Variants in PLCXD2 observed in about 807,000 individuals in gnomAD.
PLCXD2 encodes the protein PI-PLC X domain-containing protein 2.
In PLCXD2, 21 loss-of-function variants were observed where a neutral mutation model predicts 28.6. That is an observed-to-expected ratio of 0.73 (90% confidence interval 0.52 to 1.06). PLCXD2 has a LOEUF of 1.06. Ranked by LOEUF, PLCXD2 falls within the 50% of genes least tolerant of loss-of-function variation. The pLI is 0.00. For missense variants in PLCXD2, 369 were observed against 376.7 expected, an observed-to-expected ratio of 0.98 and a Z score of 0.17; for synonymous variants, 140 against 150.1, an observed-to-expected ratio of 0.93 and a Z score of 0.49.
intron 1 of PLCXD2, among the ~76,000 whole-genome samples, chr3:111,689,335 A>C (rs957837379): frequency 3.3e-5 from 5 of 152,208 alleles, no homozygotes; most frequent in African/African-American, 9.7e-5. Context: ...GGAAATGGGA[A>C]AGTTACGGAA....
chr3:111,713,467 T>A (rs34307743), intron 2 of PLCXD2, among the ~76,000 whole-genome samples: 7,920 of 152,290 alleles, frequency 0.052, 270 homozygotes, highest in Middle Eastern at 0.075. Flanking sequence ...TTATGGGACT[T>A]ATTAGACTTA....
intron 1 of PLCXD2, among the ~76,000 whole-genome samples, chr3:111,702,724 G>A (rs1177701278): frequency 6.6e-6 from 1 of 152,192 alleles, no homozygotes; most frequent in Non-Finnish European, 1.5e-5. Flanking sequence ...GCAAGGATCA[G>A]TGGTGCAGGG....
In PLCXD2 at chr3:111,675,366, C is replaced by A. The variant is rs61756476; in HGVS notation, c.121C>A (p.Pro41Thr). The change falls in exon 1 of 5, where the codon CCT (proline) becomes ACT (threonine). Residue 41 changes from proline to threonine, a missense_variant. Physicochemically the swap from Pro to Thr is conservative, Grantham distance 38. Coordinates refer to ENST00000477665, the MANE Select transcript of PLCXD2 (RefSeq NM_001185106.1). ...TGCCGACTGGATGGCCTCGCTCCCC[C>A]CTCACCTCCACAACCTCCCCCTTTC... is the stretch of plus-strand genomic sequence containing the variant. The A allele has an allele frequency of 6.2e-6, 10 of 1,614,060 alleles. No individual in the cohort carries two copies. The South Asian group carries it at 7.7e-5, about 12-fold the overall frequency.
At chr3:111,702,915 T>G (rs1008758623) in intron 1 of PLCXD2, among the ~76,000 whole-genome samples, 3 of 152,248 alleles carry the variant, frequency 2.0e-5, no homozygotes, top group Non-Finnish European at 4.4e-5. Context: ...TTGTAAGTAC[T>G]ATTTGCAGAT....
At chr3:111,714,419 C>T (rs1433143281) in intron 3 of PLCXD2, among the ~76,000 whole-genome samples, 1 of 152,180 alleles carries the variant, frequency 6.6e-6, no homozygotes, top group African/African-American at 2.4e-5. Flanking sequence ...ACTCCTGGTA[C>T]CTGGCCACAT....
intron 2 of PLCXD2, among the ~76,000 whole-genome samples, chr3:111,713,446 C>CTAACT (rs1207306922): frequency 6.6e-6 from 1 of 152,216 alleles, no homozygotes; most frequent in Non-Finnish European, 1.5e-5. Flanking sequence ...ATGCTTATCC[C>CTAACT]TAACTCACAG....
chr3:111,689,549 A>G (rs542420067), intron 1 of PLCXD2, among the ~76,000 whole-genome samples: 9 of 152,288 alleles, frequency 5.9e-5, no homozygotes, highest in Non-Finnish European at 1.2e-4. Flanking sequence ...ATTACAGTTC[A>G]GTTCAGGTAT....
At chr3:111,707,156 A>C (rs1250661612) in intron 1 of PLCXD2, among the ~76,000 whole-genome samples, 1 of 152,214 alleles carries the variant, frequency 6.6e-6, no homozygotes, top group Non-Finnish European at 1.5e-5. Flanking sequence ...TGGACCATTT[A>C]ATAGCAGTTT....
chr3:111,693,691 C>A (rs77782893), intron 1 of PLCXD2, among the ~76,000 whole-genome samples: 1 of 152,174 alleles, frequency 6.6e-6, no homozygotes, highest in Admixed American at 6.5e-5. Context: ...ATGTTGCTAG[C>A]GCTTTGGGTA....
At chr3:111,704,188 T>C (rs1319698823) in intron 1 of PLCXD2, among the ~76,000 whole-genome samples, 2 of 151,712 alleles carry the variant, frequency 1.3e-5, no homozygotes, top group Non-Finnish European at 2.9e-5. Flanking sequence ...GGAATTCTGA[T>C]GGTAATATTG....
intron 1 of PLCXD2, among the ~76,000 whole-genome samples, chr3:111,692,693 A>G (rs1295160992): frequency 6.6e-6 from 1 of 152,228 alleles, no homozygotes; most frequent in Non-Finnish European, 1.5e-5. Flanking sequence ...GAGGTGAAAA[A>G]CAATAGCTGG....
intron 1 of PLCXD2, among the ~76,000 whole-genome samples, chr3:111,700,840 C>T (rs910899461): frequency 3.3e-5 from 5 of 150,302 alleles, no homozygotes; most frequent in Non-Finnish European, 5.9e-5. Context: ...CTGTGTAGGG[C>T]GGGGCGGGGG....
At chr3:111,690,739 G>A (rs1940865395) in intron 1 of PLCXD2, among the ~76,000 whole-genome samples, 1 of 152,038 alleles carries the variant, frequency 6.6e-6, no homozygotes, top group Non-Finnish European at 1.5e-5. Context: ...TTATTTACAG[G>A]AAAGAGAAAA....
In PLCXD2 at chr3:111,715,999, G is replaced by T. The variant is rs142399141; in HGVS notation, c.866+1871G>T. Among the ~76,000 whole-genome samples, 172 of 152,328 alleles carry T rather than the reference G, an allele frequency of 1.1e-3. 2 individuals are homozygous for T. The highest frequency in any genetic ancestry group is 3.7e-3 in the African/African-American group (153 of 41,572). On this transcript the variant is annotated intron_variant, in intron 3 of 4. Transcript: ENST00000477665. ...AAACATTGGCTCTTTCCTTTATGAT[G>T]AGAGATAATGATGTTGGCATGCGCC...
intron 1 of PLCXD2, among the ~76,000 whole-genome samples, chr3:111,692,217 T>C (rs923082711): frequency 6.6e-6 from 1 of 152,176 alleles, no homozygotes; most frequent in Non-Finnish European, 1.5e-5. Flanking sequence ...AATTTCTTTT[T>C]GTATTTTTGT....
intron 3 of PLCXD2, chr3:111,726,796 G>A (rs1444051169): frequency 2.6e-5 from 4 of 151,896 alleles, no homozygotes; most frequent in Non-Finnish European, 5.9e-5. Flanking sequence ...CATTTTAACA[G>A]TGAAAAAAAA....
intron 1 of PLCXD2, among the ~76,000 whole-genome samples, chr3:111,706,364 G>A (rs927994877): frequency 3.3e-5 from 5 of 152,096 alleles, no homozygotes; most frequent in African/African-American, 7.2e-5. Context: ...GGGTGGAGAC[G>A]TCAGTTTAAT....
At chr3:111,720,746 G>C (rs544952645) in intron 3 of PLCXD2, 1 of 416,850 alleles carries the variant, frequency 2.4e-6, no homozygotes, top group South Asian at 1.3e-4. Flanking sequence ...ATCCTGGACT[G>C]GGTGAAAACT....
intron 3 of PLCXD2, chr3:111,724,451 T>C (rs1941388451): frequency 6.6e-6 from 1 of 152,168 alleles, no homozygotes; most frequent in South Asian, 2.1e-4. Flanking sequence ...CCAAAAAAAT[T>C]GTTTCTTCTC....
Sources: allele counts gnomAD v4.1 joint callset (sites outside exome capture counted in the v4.1 genomes callset), GRCh38; gene constraint gnomAD v4.1.1; transcripts MANE v1.5; gene names NCBI Gene and HGNC (gene_info 2026-07-23, HGNC 2026-07-21).